Variants in LRRFIP2 observed in about 807,000 individuals in gnomAD.
LRRFIP2 encodes the protein leucine-rich repeat flightless-interacting protein 2.
LRRFIP2 carries 109 observed loss-of-function variants against 125.9 expected under a neutral mutation model. The ratio of observed to expected loss-of-function variants is 0.87; its 90% CI spans 0.74 to 1.01. LRRFIP2 has a LOEUF of 1.01. Ranked by LOEUF, LRRFIP2 falls within the 50% of genes least tolerant of loss-of-function variation. The pLI is 0.00. For missense variants in LRRFIP2, 850 were observed against 862.3 expected (o/e 0.99, Z 0.18); for synonymous variants, 291 against 293.1 (o/e 0.99, Z 0.07).
At chr3:37,061,632 C>G (rs538997688) in intron 24 of LRRFIP2, among the ~76,000 whole-genome samples, 1 of 152,212 alleles carries the variant, frequency 6.6e-6, no homozygotes, top group East Asian at 1.9e-4. Context: ...CCTCAACCAC[C>G]TGCCTCAGCC....
At chr3:37,061,983 T>A (rs1422473505) in intron 24 of LRRFIP2, among the ~76,000 whole-genome samples, 34 of 152,220 alleles carry the variant, frequency 2.2e-4, no homozygotes. Flanking sequence ...AGATTACATC[T>A]TCTTTCTACT....
rs781305761 is a variant in LRRFIP2 at position 37,072,888 on chromosome 3, G to A, written c.1372-6C>T. ...TGCTGCATGCGCTGCTTCTCCTGCA[G>A]AGGAAGAGGGGAAGAGAAGTAATAA... is the stretch of plus-strand genomic sequence containing the variant. On this transcript the variant is annotated splice_polypyrimidine_tract_variant and splice_region_variant and intron_variant, in intron 20 of 27. Coordinates refer to ENST00000336686, the MANE Select transcript of LRRFIP2 (RefSeq NM_006309.4). 1 of 1,586,006 alleles carries A rather than the reference G, an allele frequency of 6.3e-7. No homozygotes were observed. The highest frequency in any genetic ancestry group is 8.6e-7 in the Non-Finnish European group (1 of 1,157,948).
At chr3:37,134,563 G>T in intron 2 of LRRFIP2, 1 of 475,226 alleles carries the variant, frequency 2.1e-6, no homozygotes, top group South Asian at 1.7e-5. Context: ...TATGAGATGA[G>T]ACAATGCTGT....
intron 1 of LRRFIP2, among the ~76,000 whole-genome samples, chr3:37,163,387 C>T (rs890455764): frequency 6.6e-6 from 1 of 152,176 alleles, no homozygotes; most frequent in Admixed American, 6.5e-5. Context: ...CAGTGGAATG[C>T]GGACAAAACT....
intron 2 of LRRFIP2, among the ~76,000 whole-genome samples, chr3:37,136,670 G>A (rs1053028429): frequency 2.6e-5 from 4 of 151,984 alleles, no homozygotes; most frequent in African/African-American, 9.7e-5. Flanking sequence ...GAAGAGGATA[G>A]AATATATAGT....
At chr3:37,112,794 A>C in intron 8 of LRRFIP2, 121 bp downstream of exon 8, 1 of 560,566 alleles carries the variant, frequency 1.8e-6, no homozygotes, top group Non-Finnish European at 3.1e-6. Context: ...ATTTCTGATA[A>C]ATCATGTTTC....
chr3:37,094,872 G>A lies in LRRFIP2; in HGVS notation c.955C>T (p.Leu319=), dbSNP rs770127474. 1.2e-6 allele frequency: 2 copies of A among 1,613,884 alleles called. No homozygotes were observed. The highest frequency in any genetic ancestry group is 1.7e-6 in the Non-Finnish European group (2 of 1,179,808). ...CCTCGTCTGGATGAGTTTCCACTTA[G>A]AGGGGTTGTTGCTGAGGCAGAATTT... ...SRNSASATTP[L]SGNSSRRGSG... Residue 319 remains leucine, a synonymous_variant, in exon 17 of 28, where the codon CTA becomes TTA. Coordinates refer to ENST00000336686, the MANE Select transcript of LRRFIP2 (RefSeq NM_006309.4).
chr3:37,124,450 C>T (rs2095195155), intron 4 of LRRFIP2, among the ~76,000 whole-genome samples: 1 of 152,174 alleles, frequency 6.6e-6, no homozygotes, highest in South Asian at 2.1e-4. Context: ...TTTTTAATTA[C>T]TTCTACCTTG....
In LRRFIP2 at chr3:37,054,365, T is replaced by C. The variant is rs976629090; in HGVS notation, c.2055+46A>G. The stretch of plus-strand genomic sequence containing the variant: ...CTAAGAATTATTTCCAGAAGATTTT[T>C]TCTTTTTAGGAATGTATTCTCCAAG... On this transcript the variant is annotated intron_variant, in intron 27 of 27. Coordinates refer to ENST00000336686, the MANE Select transcript of LRRFIP2 (RefSeq NM_006309.4). 3 of 1,452,106 alleles carry C rather than the reference T, an allele frequency of 2.1e-6. No individual in the cohort carries two copies. The African/African-American group carries it at 4.2e-5, about 21-fold the overall frequency. 90.0% of individuals were successfully genotyped at this position (1,452,106 alleles called of 1,614,324 possible).
chr3:37,115,492 T>C (rs1576852026), intron 6 of LRRFIP2, among the ~76,000 whole-genome samples: 1 of 152,200 alleles, frequency 6.6e-6, no homozygotes, highest in East Asian at 1.9e-4. Context: ...TTCCTATTGT[T>C]TGAAAAATGG....
chr3:37,129,710 C>T (rs574639928), intron 2 of LRRFIP2, among the ~76,000 whole-genome samples: 1 of 152,186 alleles, frequency 6.6e-6, no homozygotes, highest in Non-Finnish European at 1.5e-5. Context: ...TATACAATTC[C>T]GACTGGATGC....
intron 1 of LRRFIP2, among the ~76,000 whole-genome samples, chr3:37,162,035 T>C (rs1282098108): frequency 6.6e-6 from 1 of 150,738 alleles, no homozygotes; most frequent in Non-Finnish European, 1.5e-5. Flanking sequence ...ACTACAAATA[T>C]TAGCTAGGCG....
intron 15 of LRRFIP2, 100 bp from the exon 16 acceptor site, chr3:37,096,760 T>C (rs1290306175): frequency 1.6e-6 from 1 of 614,372 alleles, no homozygotes; most frequent in South Asian, 2.0e-5. Flanking sequence ...TCAATGATGT[T>C]TGAAGCCTAA....
Position 37,111,004 on chromosome 3 carries a change from G to T in LRRFIP2, c.500C>A (p.Ala167Asp). 1 of 1,613,732 alleles carries T rather than the reference G, an allele frequency of 6.2e-7. No individual in the cohort carries two copies. Among genetic ancestry groups the T allele is most frequent in the Non-Finnish European group, 8.5e-7 (1 of 1,179,790 alleles). ...GTTTAGACAAACCCGAGTGTAGTAG[G>T]CAGAGGTGGGTTTGCTATGTCTAAG... ...SSLRHSKPTS[A>D]YYTRQSSSLY... Residue 167 changes from alanine to aspartate, a missense_variant, in exon 9 of 28, where the codon GCC becomes GAC. Ala to Asp is a moderately radical substitution (Grantham distance 126, BLOSUM62 -2). Coordinates refer to ENST00000336686, the MANE Select transcript of LRRFIP2 (RefSeq NM_006309.4).
At chr3:37,102,092 G>A (rs1021735852) in intron 15 of LRRFIP2, among the ~76,000 whole-genome samples, 1 of 152,112 alleles carries the variant, frequency 6.6e-6, no homozygotes, top group Non-Finnish European at 1.5e-5. Context: ...TCACTTTATA[G>A]ATTCACTAAA....
intron 1 of LRRFIP2, among the ~76,000 whole-genome samples, chr3:37,161,451 C>T (rs935335556): frequency 2.2e-4 from 34 of 152,046 alleles, no homozygotes; most frequent in African/African-American, 7.0e-4. Flanking sequence ...AAGCCAGACA[C>T]AAAGATTACA....
At chr3:37,144,462 C>T (rs1046111392) in intron 2 of LRRFIP2, among the ~76,000 whole-genome samples, 4 of 152,080 alleles carry the variant, frequency 2.6e-5, no homozygotes, top group African/African-American at 9.7e-5. Flanking sequence ...CAAAAACAAG[C>T]CAGGCATGGT....
intron 22 of LRRFIP2, 27 bp downstream of exon 22, chr3:37,066,197 C>T: frequency 6.3e-7 from 1 of 1,586,714 alleles, no homozygotes; most frequent in Non-Finnish European, 8.7e-7. Flanking sequence ...AGTGAGGGAC[C>T]TGAATTCCAG....
intron 1 of LRRFIP2, among the ~76,000 whole-genome samples, chr3:37,155,960 G>A (rs973543103): frequency 2.6e-5 from 4 of 151,900 alleles, no homozygotes; most frequent in African/African-American, 4.8e-5. Flanking sequence ...CTGCAACCTC[G>A]GCCTCCCAGG....
Sources: allele counts gnomAD v4.1 joint callset (sites outside exome capture counted in the v4.1 genomes callset), GRCh38; gene constraint gnomAD v4.1.1; transcripts MANE v1.5; gene names NCBI Gene and HGNC (gene_info 2026-07-23, HGNC 2026-07-21).